ANOS1: variants seen among roughly 807,000 people sequenced by gnomAD.
ANOS1 encodes anosmin-1.
A neutral mutation model predicts 59.0 loss-of-function variants in ANOS1; 6 were observed. That is an observed-to-expected ratio of 0.10 (90% CI 0.06 to 0.20). The LOEUF (loss-of-function observed/expected upper bound fraction) is 0.20, where lower values mean the gene tolerates loss of function less well. Ranked by LOEUF, ANOS1 falls within the 10% of genes least tolerant of loss-of-function variation. The pLI, the probability that ANOS1 is intolerant of heterozygous loss-of-function variation, is 1.00. For synonymous variants in ANOS1, 217 were observed against 223.4 expected (o/e 0.97, Z 0.25); for missense variants, 433 against 542.3 (o/e 0.80, Z 2.00).
At chrX:8,668,919 C>T (rs963093251) in intron 2 of ANOS1, among the ~76,000 whole-genome samples, 41 of 111,686 alleles carry the variant, frequency 3.7e-4, no homozygotes, top group Non-Finnish European at 1.3e-4. Flanking sequence ...AGTATCAAAA[C>T]GATCAAGTCT....
At chrX:8,539,298 C>T (rs1478625646) in intron 10 of ANOS1, among the ~76,000 whole-genome samples, 2 of 110,535 alleles carry the variant, frequency 1.8e-5, no homozygotes, top group African/African-American at 6.6e-5. Context: ...TACCATTACA[C>T]CTTTAGATCA....
chrX:8,613,545 C>T (rs1484926185), intron 3 of ANOS1, among the ~76,000 whole-genome samples: 3 of 111,328 alleles, frequency 2.7e-5, no homozygotes, highest in Non-Finnish European at 5.7e-5. Flanking sequence ...GGTTTTCAAT[C>T]ATTTTAAGCA....
chrX:8,612,844 A>T (rs1231104754), intron 3 of ANOS1, among the ~76,000 whole-genome samples: 1 of 105,112 alleles, frequency 9.5e-6, no homozygotes, highest in Non-Finnish European at 2.0e-5. Flanking sequence ...TATGTCTACT[A>T]AAAAATGGAA....
At chrX:8,722,604 CAT>C (rs905738608) in intron 1 of ANOS1, among the ~76,000 whole-genome samples, 5 of 111,570 alleles carry the variant, frequency 4.5e-5, no homozygotes, top group South Asian at 3.7e-4. Flanking sequence ...CACACACACA[CAT>C]ACACACCACA....
chrX:8,549,031 C>T (rs1361005337), intron 9 of ANOS1, among the ~76,000 whole-genome samples: 2 of 112,161 alleles, frequency 1.8e-5, no homozygotes, highest in Non-Finnish European at 3.8e-5. Context: ...AGTCACTAAA[C>T]ATCAATCAAG....
rs886039395 is a variant in ANOS1 at position 8,534,412 on chromosome X, G to T, written c.1891C>A (p.Arg631=). The change falls in exon 13 of 14, where the codon CGA becomes AGA. Residue 631 remains arginine, a synonymous_variant. Transcript: ENST00000262648. ...VPNLRPSTLY[R]LEVQVLTPGG... is the part of the protein sequence containing the mutation. ...GGGGTCAGCACTTGCACTTCCAGTC[G>T]GTAAAGAGTAGATGGTCTCAGATTG... The T allele has an allele frequency of 5.0e-6, 6 of 1,207,571 alleles. No individual in the cohort carries two copies. The South Asian group carries it at 8.8e-5, about 18-fold the overall frequency.
chrX:8,580,221 TA>T (rs1244082840), intron 6 of ANOS1, among the ~76,000 whole-genome samples: 1 of 112,267 alleles, frequency 8.9e-6, no homozygotes, highest in Non-Finnish European at 1.9e-5. Flanking sequence ...ACATTCTAAA[TA>T]AAGAGACAAA....
chrX:8,660,263 A>G (rs1264385252), intron 2 of ANOS1, among the ~76,000 whole-genome samples: 2 of 112,220 alleles, frequency 1.8e-5, no homozygotes, highest in Non-Finnish European at 3.8e-5. Flanking sequence ...TCAGGTGGAC[A>G]TGTGGACATT....
chrX:8,578,711 T>C (rs76657994), intron 6 of ANOS1, among the ~76,000 whole-genome samples: 2,216 of 112,218 alleles, frequency 0.02, 88 homozygotes, highest in Admixed American at 0.12. Context: ...AAAGATAATA[T>C]GCTAGGTTAA....
rs1929516109 is a variant in ANOS1 at position 8,532,515 on chromosome X, A to G, written c.*480T>C. On this transcript the variant is annotated 3_prime_UTR_variant, in exon 14 of 14. Coordinates refer to ENST00000262648, the MANE Select transcript of ANOS1 (RefSeq NM_000216.4). ...CACCTAGGATAAAAATGATCTTAGG[A>G]AAGATTCAAAAAAACAAAGCTGTGT... 1 of 113,350 alleles carries G rather than the reference A, an allele frequency of 8.8e-6. No homozygotes were observed. Among genetic ancestry groups the G allele is most frequent in the Non-Finnish European group, 1.8e-5 (1 of 54,106 alleles). 9.3% of individuals were successfully genotyped at this position (113,350 alleles called of 1,213,427 possible).
intron 9 of ANOS1, among the ~76,000 whole-genome samples, chrX:8,540,130 C>T (rs1440193132): frequency 9.0e-6 from 1 of 110,924 alleles, no homozygotes; most frequent in African/African-American, 3.3e-5. Context: ...CAATGAAAGG[C>T]AACACCTAGC....
intron 1 of ANOS1, among the ~76,000 whole-genome samples, chrX:8,713,643 C>T (rs1235331100): frequency 9.4e-6 from 1 of 106,787 alleles, no homozygotes; most frequent in Non-Finnish European, 1.9e-5. Context: ...GATGGAGTCT[C>T]ACTCTGTCAC....
intron 4 of ANOS1, among the ~76,000 whole-genome samples, chrX:8,596,388 T>C (rs909486855): frequency 1.5e-4 from 17 of 111,904 alleles, no homozygotes; most frequent in African/African-American, 5.5e-4. Context: ...GGATTCATCT[T>C]GGCTTTAAAA....
At chrX:8,684,877 G>A (rs1238946834) in intron 2 of ANOS1, among the ~76,000 whole-genome samples, 1 of 110,518 alleles carries the variant, frequency 9.0e-6, no homozygotes, top group Non-Finnish European at 1.9e-5. Flanking sequence ...CAGAGGAGCT[G>A]CGTCCCCAAG....
intron 2 of ANOS1, among the ~76,000 whole-genome samples, chrX:8,693,291 G>T (rs1398441823): frequency 9.0e-6 from 1 of 111,683 alleles, no homozygotes; most frequent in East Asian, 2.8e-4. Flanking sequence ...TCTAGCTTTA[G>T]AATTCTTCTC....
chrX:8,572,100 T>A (rs954294509), intron 6 of ANOS1, among the ~76,000 whole-genome samples: 1 of 106,608 alleles, frequency 9.4e-6, no homozygotes, highest in African/African-American at 3.5e-5. Context: ...ATTGAAAGCA[T>A]ATTATGTGAT....
chrX:8,586,473 C>A, intron 5 of ANOS1, among the ~76,000 whole-genome samples: 1 of 111,946 alleles, frequency 8.9e-6, no homozygotes, highest in African/African-American at 3.2e-5. Flanking sequence ...GTATCCACAG[C>A]GTTTAGCAGA....
chrX:8,681,595 C>A lies in ANOS1; in HGVS notation c.255+18103G>T, dbSNP rs577425337. Among the ~76,000 whole-genome samples the A allele has an allele frequency of 2.5e-4, 28 of 111,314 alleles. No homozygotes were observed. The South Asian group carries it at 0.01, about 41-fold the overall frequency. On this transcript the variant is annotated intron_variant, in intron 2 of 13. Transcript: ENST00000262648. ...TTTCCTCAAGTAACATGCAGTCTGC[C>A]CCCTGTCTTCCAGGCTTTCCTAAGA... is the stretch of plus-strand genomic sequence containing the variant.
At chrX:8,627,749 A>T (rs991023715) in intron 2 of ANOS1, among the ~76,000 whole-genome samples, 2 of 111,260 alleles carry the variant, frequency 1.8e-5, no homozygotes, top group African/African-American at 6.5e-5. Flanking sequence ...AAAGATTTCA[A>T]CAAAAGCTAA....
Sources: allele counts gnomAD v4.1 joint callset (sites outside exome capture counted in the v4.1 genomes callset), GRCh38; gene constraint gnomAD v4.1.1; transcripts MANE v1.5; gene names NCBI Gene and HGNC (gene_info 2026-07-23, HGNC 2026-07-21).